DR1: variants seen among roughly 807,000 people sequenced by gnomAD.
The protein encoded by DR1 is protein Dr1.
DR1 carries 7 observed loss-of-function variants against 19.9 expected under a neutral mutation model. The ratio of observed to expected loss-of-function variants is 0.35; its 90% CI spans 0.20 to 0.66. DR1 has a LOEUF of 0.66. DR1 is among the 30% of genes least tolerant of loss of function. The pLI, the probability that DR1 is intolerant of heterozygous loss-of-function variation, is 0.66. For missense variants in DR1, 98 were observed against 203.7 expected (o/e 0.48, Z 3.16); for synonymous variants, 76 against 72.5 (o/e 1.05, Z -0.24).
chr1:93,351,695 C>G (rs1271117312), intron 1 of DR1, among the ~76,000 whole-genome samples: 3 of 152,138 alleles, frequency 2.0e-5, no homozygotes, highest in South Asian at 4.1e-4. Context: ...CTTGGCCTCC[C>G]AGAGTGCTGG....
intron 1 of DR1, among the ~76,000 whole-genome samples, chr1:93,351,731 C>T (rs961236812): frequency 7.2e-5 from 11 of 152,194 alleles, no homozygotes; most frequent in Admixed American, 5.2e-4. Flanking sequence ...CCACCATGGT[C>T]GGCTGGCTTG....
At chr1:93,358,010 A>G (rs914953290) in intron 2 of DR1, among the ~76,000 whole-genome samples, 1 of 152,218 alleles carries the variant, frequency 6.6e-6, no homozygotes, top group Non-Finnish European at 1.5e-5. Context: ...ATAGTGGCTC[A>G]CACCTGTAAT....
rs1062899 is a variant in DR1, at chr1:93,346,602, T to G, written c.-44T>G. On this transcript the variant is annotated 5_prime_UTR_variant, in exon 1 of 3. Transcript: ENST00000370272. ...TCTCGGTGGAGTAGTGGACCAGAGC[T>G]GGGGAGTTTTTAAAAGCCGGGGCGC... is the stretch of plus-strand genomic sequence containing the variant. 1 of 1,529,164 alleles carries G rather than the reference T, an allele frequency of 6.5e-7. No homozygotes were observed. The highest frequency in any genetic ancestry group is 9.0e-7 in the Non-Finnish European group (1 of 1,108,588). The allele number at this position is 1,529,164 out of a possible 1,614,324, so 94.7% of individuals were successfully genotyped here. A position where few individuals can be genotyped will look rare whatever the true frequency, so the allele number is the denominator to read the frequency against.
At chr1:93,349,777 T>G (rs1250779497) in intron 1 of DR1, among the ~76,000 whole-genome samples, 1 of 152,086 alleles carries the variant, frequency 6.6e-6, no homozygotes, top group Non-Finnish European at 1.5e-5. Flanking sequence ...AACATGAAAA[T>G]AGATCACTGG....
At chr1:93,357,968 GACC>G (rs1667010961) in intron 2 of DR1, among the ~76,000 whole-genome samples, 1 of 152,106 alleles carries the variant, frequency 6.6e-6, no homozygotes, top group Non-Finnish European at 1.5e-5. Context: ...ATATGAGGCT[GACC>G]ACTTATGAGA....
intron 2 of DR1, among the ~76,000 whole-genome samples, chr1:93,359,168 C>G (rs1667026293): frequency 6.6e-6 from 1 of 151,948 alleles, no homozygotes; most frequent in African/African-American, 2.4e-5. Context: ...AAATAGTGAC[C>G]TGATTAGAAT....
chr1:93,349,733 T>G (rs527471602), intron 1 of DR1, among the ~76,000 whole-genome samples: 1 of 152,258 alleles, frequency 6.6e-6, no homozygotes, highest in Non-Finnish European at 1.5e-5. Context: ...TTTAAAAAAT[T>G]CCTGTCCTTC....
At chr1:93,357,641 AT>A (rs1306881326) in intron 2 of DR1, among the ~76,000 whole-genome samples, 1 of 151,912 alleles carries the variant, frequency 6.6e-6, no homozygotes, top group Admixed American at 6.6e-5. Context: ...AAATTCAGTA[AT>A]TTTTTTTCCT....
intron 1 of DR1, among the ~76,000 whole-genome samples, chr1:93,351,331 G>A (rs1666909945): frequency 6.6e-6 from 1 of 151,464 alleles, no homozygotes; most frequent in Middle Eastern, 3.3e-3. Context: ...CTACTTGAAA[G>A]CAGTGTTCTC....
At chr1:93,354,333 A>T (rs1417656195) in intron 2 of DR1, among the ~76,000 whole-genome samples, 5 of 152,196 alleles carry the variant, frequency 3.3e-5, no homozygotes, top group Admixed American at 6.5e-5. Flanking sequence ...ATTTTAAGGC[A>T]TGAAAAGTAT....
intron 1 of DR1, among the ~76,000 whole-genome samples, chr1:93,347,325 A>C (rs1666861910): frequency 6.6e-6 from 1 of 152,218 alleles, no homozygotes; most frequent in Non-Finnish European, 1.5e-5. Context: ...TTCTGAACAC[A>C]TGAGTTAAAA....
At chr1:93,360,020 G>A (rs953371779) in intron 2 of DR1, among the ~76,000 whole-genome samples, 1 of 152,028 alleles carries the variant, frequency 6.6e-6, no homozygotes, top group Non-Finnish European at 1.5e-5. Context: ...TTTCCTATGA[G>A]GTAGAGGTAC....
In DR1 at chr1:93,363,559, G is replaced by A. The variant is rs1436247398; in HGVS notation, c.*2920G>A. 1 of 152,140 alleles carries A rather than the reference G, an allele frequency of 6.6e-6. No individual in the cohort carries two copies. Among genetic ancestry groups the A allele is most frequent in the African/African-American group, 2.4e-5 (1 of 41,426 alleles). 9.4% of individuals were successfully genotyped at this position (152,140 alleles called of 1,614,324 possible). On this transcript the variant is annotated 3_prime_UTR_variant, in exon 3 of 3. Coordinates refer to ENST00000370272, the MANE Select transcript of DR1 (RefSeq NM_001938.3). ...GGGCTTGTGACCCCTTCCTCTCTATGATCAAAGCTTGCTTTTGTCATTATA... is the reference window on the plus strand; with the variant it reads ...GGGCTTGTGACCCCTTCCTCTCTATAATCAAAGCTTGCTTTTGTCATTATA...
rs1388969852 is a variant in DR1, at chr1:93,365,372, T to G, written c.*4733T>G. On this transcript the variant is annotated 3_prime_UTR_variant, in exon 3 of 3. Coordinates refer to ENST00000370272, the MANE Select transcript of DR1 (RefSeq NM_001938.3). ...TTGTTAGTATTTGGGGTTGGTTAAG[T>G]CTTTGTTTGTGGGAGCCTATCCTGT... 1 of 152,160 alleles carries G rather than the reference T, an allele frequency of 6.6e-6. No individual in the cohort carries two copies. The highest frequency in any genetic ancestry group is 1.5e-5 in the Non-Finnish European group (1 of 68,038). The allele number at this position is 152,160 out of a possible 1,614,324, so 9.4% of individuals were successfully genotyped here.
intron 2 of DR1, among the ~76,000 whole-genome samples, chr1:93,356,261 T>C (rs1666981882): frequency 6.6e-6 from 1 of 151,202 alleles, no homozygotes; most frequent in African/African-American, 2.4e-5. Context: ...AGACAGGATC[T>C]CACCATGTTG....
At position 93,345,983 on chromosome 1, in the gene DR1, T is replaced by G. The variant is rs1325529492; in HGVS notation, c.-663T>G. On this transcript the variant is annotated 5_prime_UTR_variant, in exon 1 of 3. Transcript: ENST00000370272. ...GACCACCGTTGCCGCGTCTTCGGCTTCCACGATCTGCGTTCGGGCTACGCG... is the reference window on the plus strand; with the variant it reads ...GACCACCGTTGCCGCGTCTTCGGCTGCCACGATCTGCGTTCGGGCTACGCG... The G allele has an allele frequency of 6.5e-6, 1 of 154,498 alleles. No homozygotes were observed. The highest frequency in any genetic ancestry group is 1.4e-5 in the Non-Finnish European group (1 of 69,084). The allele number at this position is 154,498 out of a possible 1,614,324, so 9.6% of individuals were successfully genotyped here. A position where few individuals can be genotyped will look rare whatever the true frequency, so the allele number is the denominator to read the frequency against.
chr1:93,361,873 G>T lies in DR1; in HGVS notation c.*1234G>T, dbSNP rs530036723. The T allele has an allele frequency of 9.2e-5, 14 of 152,562 alleles. No homozygotes were observed. Among genetic ancestry groups the T allele is most frequent in the African/African-American group, 3.4e-4 (14 of 41,528 alleles). 9.5% of individuals were successfully genotyped at this position (152,562 alleles called of 1,614,324 possible). A position where few individuals can be genotyped will look rare whatever the true frequency, so the allele number is the denominator to read the frequency against. On this transcript the variant is annotated 3_prime_UTR_variant, in exon 3 of 3. Coordinates refer to ENST00000370272, the MANE Select transcript of DR1 (RefSeq NM_001938.3). ...TGCTTGTTAGAGAAGCTTTAATTTG[G>T]TTCTAATAAATACAGTATGGTAGTG...
chr1:93,352,048 A>G (rs1184708586), intron 1 of DR1, among the ~76,000 whole-genome samples: 1 of 152,134 alleles, frequency 6.6e-6, no homozygotes, highest in Non-Finnish European at 1.5e-5. Context: ...CCTAAAACTA[A>G]TAACAATATG....
intron 1 of DR1, among the ~76,000 whole-genome samples, chr1:93,348,055 T>C (rs950297316): frequency 2.0e-5 from 3 of 152,152 alleles, no homozygotes; most frequent in African/African-American, 7.2e-5. Context: ...ATATCCAATA[T>C]TTTACTCTCA....
Sources: gnomAD v4.1 joint callset for allele counts (sites outside exome capture counted in the v4.1 genomes callset) on GRCh38, gnomAD v4.1.1 for gene constraint, MANE v1.5 for transcripts, NCBI Gene and HGNC (gene_info 2026-07-23, HGNC 2026-07-21) for gene names.